The following HERC4 variants were observed in gnomAD, a reference collection of about 807,000 sequenced individuals.
HERC4 encodes HECT and RLD domain containing E3 ubiquitin protein ligase 4, also known as probable E3 ubiquitin-protein ligase HERC4.
Under a neutral mutation model 124.3 loss-of-function variants are expected in HERC4, and 28 were observed. The ratio of observed to expected loss-of-function variants is 0.23; its 90% CI spans 0.17 to 0.31. The LOEUF (loss-of-function observed/expected upper bound fraction) is 0.31, where lower values mean the gene tolerates loss of function less well. HERC4 is among the 10% of genes least tolerant of loss of function. The pLI, the probability that HERC4 is intolerant of heterozygous loss-of-function variation, is 1.00. For synonymous variants in HERC4, 407 were observed against 421.5 expected, an observed-to-expected ratio of 0.97 and a Z score of 0.42; for missense variants, 713 against 1,229.3, an observed-to-expected ratio of 0.58 and a Z score of 6.28.
chr10:67,932,550 A>G (rs2031934107), intron 23 of HERC4, 47 bp downstream of exon 23: 1 of 1,510,624 alleles, frequency 6.6e-7, no homozygotes, highest in African/African-American at 1.4e-5. Flanking sequence ...AGATTTCCAT[A>G]TATAAATCTT....
At chr10:67,971,793 A>G (rs2035249868) in intron 15 of HERC4, among the ~76,000 whole-genome samples, 1 of 152,174 alleles carries the variant, frequency 6.6e-6, no homozygotes, top group Admixed American at 6.5e-5. Flanking sequence ...CTTAGTTAAT[A>G]AAATATGCCA....
chr10:67,968,945 A>AT (rs1272544575), intron 15 of HERC4, among the ~76,000 whole-genome samples: 1 of 152,244 alleles, frequency 6.6e-6, no homozygotes, highest in Non-Finnish European at 1.5e-5. Context: ...ACTCACTGTC[A>AT]TAACACTTCA....
chr10:67,992,746 T>C (rs2036618368), intron 9 of HERC4, 64 bp from the exon 10 acceptor site: 1 of 782,476 alleles, frequency 1.3e-6, no homozygotes, highest in Non-Finnish European at 2.1e-6. Flanking sequence ...AGCATCAATA[T>C]GCCATTAGAT....
intron 8 of HERC4, among the ~76,000 whole-genome samples, chr10:68,019,537 C>T (rs1443766978): frequency 6.6e-6 from 1 of 151,938 alleles, no homozygotes; most frequent in Non-Finnish European, 1.5e-5. Flanking sequence ...CTTGGAAAAT[C>T]GTGGAATAAG....
chr10:68,058,682 G>A (rs980780901), intron 3 of HERC4, among the ~76,000 whole-genome samples: 11 of 151,906 alleles, frequency 7.2e-5, no homozygotes, highest in African/African-American at 2.4e-4. Flanking sequence ...TCCACCTCCC[G>A]GGTTCAAGTA....
chr10:68,020,828 T>C (rs2038580274), intron 8 of HERC4, among the ~76,000 whole-genome samples: 2 of 147,574 alleles, frequency 1.4e-5, no homozygotes, highest in African/African-American at 5.0e-5. Flanking sequence ...AAAAATACAC[T>C]AGAGAGATTT....
chr10:67,973,995 C>T (rs527372179), intron 15 of HERC4, among the ~76,000 whole-genome samples: 4 of 145,634 alleles, frequency 2.7e-5, no homozygotes, highest in African/African-American at 5.1e-5. Flanking sequence ...TGCAGTGAGC[C>T]GAGATCACGC....
chr10:67,990,864 C>A lies in HERC4; in HGVS notation c.1443+40G>T, dbSNP rs189816883. On this transcript the variant is annotated intron_variant, in intron 13 of 24. Transcript: ENST00000373700. ...CGTATAAAACAAAAGAAAACAAAAT[C>A]AACAGATAATACTGTAAACATAATA... 7,108 of 1,327,228 alleles carry A rather than the reference C, an allele frequency of 5.4e-3. 36 individuals are homozygous for A. The highest frequency in any genetic ancestry group is 6.5e-3 in the Non-Finnish European group (6,133 of 944,392). The allele number at this position is 1,327,228 out of a possible 1,614,324, so 82.2% of individuals were successfully genotyped here.
At chr10:68,026,790 C>A (rs193159646) in intron 7 of HERC4, among the ~76,000 whole-genome samples, 93 of 152,102 alleles carry the variant, frequency 6.1e-4, no homozygotes, top group African/African-American at 1.9e-3. Flanking sequence ...TTGCAGTGAG[C>A]CGAGATCACG....
chr10:68,020,783 A>C (rs2133215962), intron 8 of HERC4, among the ~76,000 whole-genome samples: 1 of 152,010 alleles, frequency 6.6e-6, no homozygotes, highest in East Asian at 1.9e-4. Flanking sequence ...AAAAAAAAAA[A>C]AAGTTTGGAG....
chr10:67,938,025 A>G (rs2032521002), intron 21 of HERC4, among the ~76,000 whole-genome samples: 1 of 152,052 alleles, frequency 6.6e-6, no homozygotes, highest in African/African-American at 2.4e-5. Flanking sequence ...ATGAACATGC[A>G]ATTTTTTTTG....
intron 15 of HERC4, among the ~76,000 whole-genome samples, chr10:67,982,088 T>C (rs546471848): frequency 2.0e-5 from 3 of 152,276 alleles, no homozygotes; most frequent in African/African-American, 7.2e-5. Context: ...ACCAATGACA[T>C]TGATCACAGA....
chr10:67,996,634 G>A (rs2036899318), intron 9 of HERC4, among the ~76,000 whole-genome samples: 2 of 152,012 alleles, frequency 1.3e-5, no homozygotes, highest in African/African-American at 2.4e-5. Flanking sequence ...ATTTGAAGAT[G>A]AGCAATATTG....
intron 3 of HERC4, among the ~76,000 whole-genome samples, chr10:68,063,130 T>C (rs1176464509): frequency 8.0e-6 from 1 of 125,178 alleles, no homozygotes; most frequent in African/African-American, 2.6e-5. Context: ...TTTGTGCATT[T>C]GTTTTCTATT....
intron 21 of HERC4, among the ~76,000 whole-genome samples, chr10:67,937,768 C>T (rs1294613666): frequency 6.6e-6 from 1 of 151,302 alleles, no homozygotes; most frequent in Non-Finnish European, 1.5e-5. Context: ...GCAACCTCCA[C>T]CTCTCAGGTT....
At chr10:68,020,828 TAG>T (rs919996194) in intron 8 of HERC4, among the ~76,000 whole-genome samples, 1 of 147,572 alleles carries the variant, frequency 6.8e-6, no homozygotes, top group Non-Finnish European at 1.5e-5. Context: ...AAAAATACAC[TAG>T]AGAGATTTGA....
At chr10:67,983,080 A>AAAAAAAAAAAC (rs1309836708) in intron 15 of HERC4, among the ~76,000 whole-genome samples, 28 of 151,890 alleles carry the variant, frequency 1.8e-4, no homozygotes, top group African/African-American at 6.3e-4. Flanking sequence ...CTGAGCAAAA[A>AAAAAAAAAAAC]AAAAAAAAAA....
In HERC4 at chr10:68,072,945, A is replaced by G. The variant is rs1185367965; in HGVS notation, c.164T>C (p.Val55Ala). 6.2e-7 allele frequency: 1 copy of G among 1,614,034 alleles called. No homozygotes were observed. ...HTVFVLDDGT[V>A]YTCGCNDLGQ... ...TAGATCATTACATCCACATGTGTACACTGTTCCATCATCCAGAACAAACAC... is the reference window on the plus strand; with the variant it reads ...TAGATCATTACATCCACATGTGTACGCTGTTCCATCATCCAGAACAAACAC... Residue 55 changes from valine (V) to alanine (A), a missense_variant, in exon 3 of 25, where the codon GTG becomes GCG. Coordinates refer to ENST00000373700, the MANE Select transcript of HERC4 (RefSeq NM_015601.4).
At chr10:68,048,961 A>G (rs2040149310) in intron 3 of HERC4, among the ~76,000 whole-genome samples, 1 of 152,218 alleles carries the variant, frequency 6.6e-6, no homozygotes, top group Admixed American at 6.5e-5. Context: ...GTCTAAAAAC[A>G]AAACAGTACA....
Sources: gnomAD v4.1 joint callset for allele counts (sites outside exome capture counted in the v4.1 genomes callset) on GRCh38, gnomAD v4.1.1 for gene constraint, MANE v1.5 for transcripts, NCBI Gene and HGNC (gene_info 2026-07-23, HGNC 2026-07-21) for gene names.